The following SYNJ2 variants were observed in gnomAD, a reference collection of about 807,000 sequenced individuals.
SYNJ2 encodes the protein polyphosphatidylinositol phosphatase SYNJ2.
A neutral mutation model predicts 141.3 loss-of-function variants in SYNJ2; 116 were observed. That is an observed-to-expected ratio of 0.82 (90% CI 0.71 to 0.96). The LOEUF is 0.96. SYNJ2 is among the 40% of genes least tolerant of loss of function. The pLI is 0.00. For synonymous variants in SYNJ2, 745 were observed against 777.7 expected (o/e 0.96, Z 0.70); for missense variants, 1,873 against 1,934.8 (o/e 0.97, Z 0.60).
chr6:158,026,851 C>T (rs949963446), intron 2 of SYNJ2: 8 of 985,278 alleles, frequency 8.1e-6, no homozygotes, highest in African/African-American at 1.7e-5. Flanking sequence ...GTGCCGGGAG[C>T]GCTCTGTGGC....
At chr6:158,011,359 C>T (rs933628946) in intron 1 of SYNJ2, among the ~76,000 whole-genome samples, 1 of 152,190 alleles carries the variant, frequency 6.6e-6, no homozygotes, top group African/African-American at 2.4e-5. Flanking sequence ...GTTCTGCTGC[C>T]TGGGGCCTCC....
At chr6:158,088,639 T>A in intron 23 of SYNJ2, 21 bp from the exon 24 acceptor site, 1 of 1,592,724 alleles carries the variant, frequency 6.3e-7, no homozygotes, top group Non-Finnish European at 8.6e-7. Context: ...ATTGAGACTC[T>A]GCCCTCGTTG....
chr6:158,089,843 AG>A lies in SYNJ2; in HGVS notation c.3463del (p.Ala1155LeufsTer5). Reference sequence around the variant, plus strand: ...CTTCCTCATTCTGTCCTCAAGCCCAAGGCTCGGACTGGAATAAGTAAACCTT... The same window carrying A: ...CTTCCTCATTCTGTCCTCAAGCCCAAGCTCGGACTGGAATAAGTAAACCTT... The part of the protein sequence containing the change: ...LLPGAPQQPP[K>X]ARTGISKPYN... On this transcript the variant is annotated frameshift_variant, in exon 25 of 27. Coordinates refer to ENST00000355585, the MANE Select transcript of SYNJ2 (RefSeq NM_003898.4). LOFTEE classifies it high-confidence loss of function. 2.5e-6 allele frequency: 4 copies of A among 1,613,410 alleles called. No individual in the cohort carries two copies. The highest frequency in any genetic ancestry group is 3.4e-6 in the Non-Finnish European group (4 of 1,179,586).
At chr6:158,082,217 G>A (rs1489126195) in intron 20 of SYNJ2, among the ~76,000 whole-genome samples, 2 of 152,092 alleles carry the variant, frequency 1.3e-5, no homozygotes, top group South Asian at 2.1e-4. Context: ...CGCTGGGTGT[G>A]GTGGCTTACG....
At position 158,072,431 on chromosome 6, in the gene SYNJ2, C is replaced by T. The variant is rs968356121; in HGVS notation, c.2133+637C>T. 3.3e-5 allele frequency among the ~76,000 whole-genome samples: 5 copies of T among 152,318 alleles called. No homozygotes were observed. The East Asian group carries it at 5.8e-4, about 18-fold the overall frequency. On this transcript the variant is annotated intron_variant, in intron 15 of 26. Coordinates refer to ENST00000355585, the MANE Select transcript of SYNJ2 (RefSeq NM_003898.4). ...CTCCTTCCTGTGCAAAGATGCTACC[C>T]GGGCACAGCTTCAGCGTGTGGTGCA...
intron 2 of SYNJ2, among the ~76,000 whole-genome samples, chr6:158,026,418 G>A (rs909582260): frequency 1.3e-5 from 2 of 152,162 alleles, no homozygotes; most frequent in East Asian, 1.9e-4. Context: ...CGCCCCTTGC[G>A]GTGGGCGGGA....
chr6:158,067,696 A>G, intron 12 of SYNJ2: 1 of 985,338 alleles, frequency 1.0e-6, no homozygotes, highest in Non-Finnish European at 1.2e-6. Context: ...CTGCCTGGGT[A>G]GTACCCAGAG....
intron 11 of SYNJ2, 152 bp downstream of exon 11, chr6:158,065,143 C>G: frequency 9.5e-7 from 1 of 1,048,686 alleles, no homozygotes; most frequent in Admixed American, 3.1e-5. Flanking sequence ...ACTGCCTCTC[C>G]CGGGAGCCTG....
At chr6:157,985,290 T>G (rs1459335855) in intron 1 of SYNJ2, among the ~76,000 whole-genome samples, 2 of 152,242 alleles carry the variant, frequency 1.3e-5, no homozygotes. Context: ...CTCTTCACAC[T>G]AGGGCCGTCT....
intron 1 of SYNJ2, chr6:158,016,949 AC>A: frequency 8.5e-7 from 1 of 1,173,020 alleles, no homozygotes; most frequent in South Asian, 3.0e-5. Flanking sequence ...GAACCCCAGG[AC>A]CCCAGCTCCT....
intron 5 of SYNJ2, among the ~76,000 whole-genome samples, chr6:158,049,258 G>A (rs1023840250): frequency 6.6e-6 from 1 of 152,132 alleles, no homozygotes; most frequent in African/African-American, 2.4e-5. Flanking sequence ...GGGTGGAGGA[G>A]AAGGGAAGCT....
rs939829126 is a variant in SYNJ2 at position 158,043,924 on chromosome 6, A to G, written c.795+525A>G. 1.3e-5 allele frequency among the ~76,000 whole-genome samples: 2 copies of G among 152,136 alleles called. No individual in the cohort carries two copies. The highest frequency in any genetic ancestry group is 4.8e-5 in the African/African-American group (2 of 41,428). ...CAGGGCTCTGGTCAGTGCCAGAGAG[A>G]TTTGGCATTCTTTCTCCTGGGAAGA... On this transcript the variant is annotated intron_variant, in intron 5 of 26. Coordinates refer to ENST00000355585, the MANE Select transcript of SYNJ2 (RefSeq NM_003898.4). This position sits in a 1 kb window ranked among gnomAD's most constrained non-coding sequence, Gnocchi z 4.0.
chr6:158,056,334 G>GC (rs35667004), intron 6 of SYNJ2, among the ~76,000 whole-genome samples: 1 of 152,132 alleles, frequency 6.6e-6, no homozygotes, highest in East Asian at 1.9e-4. Context: ...AGGCTGCCTT[G>GC]CCCCTTGGAA....
intron 2 of SYNJ2, among the ~76,000 whole-genome samples, chr6:158,020,011 T>G (rs1778672625): frequency 6.6e-6 from 1 of 151,864 alleles, no homozygotes; most frequent in South Asian, 2.1e-4. Flanking sequence ...CAGCACGGAG[T>G]GTAGCTACAA....
chr6:158,017,355 G>T (rs1387269562), intron 2 of SYNJ2, 65 bp downstream of exon 2: 3 of 1,538,298 alleles, frequency 2.0e-6, no homozygotes, highest in African/African-American at 2.8e-5. Flanking sequence ...CTCTGTGTCG[G>T]AAGGGGCCTC....
rs550943976 is a variant in SYNJ2 at position 158,066,765 on chromosome 6, T to C, written c.1717+130T>C. The C allele has an allele frequency of 6.1e-5, 65 of 1,070,300 alleles. No homozygotes were observed. In the South Asian group the frequency reaches 8.7e-4, roughly 14 times the overall value. The allele number at this position is 1,070,300 out of a possible 1,614,324, so 66.3% of individuals were successfully genotyped here. On this transcript the variant is annotated intron_variant, in intron 12 of 26. Transcript: ENST00000355585. ...GTCTTCCCTCCTCACAATGTCTAAA[T>C]AGCACCATGGCCTGACTCTCAAGAA...
At position 158,069,590 on chromosome 6, in the gene SYNJ2, T is replaced by G; in HGVS notation, c.1857T>G (p.His619Gln). 2 of 1,614,122 alleles carry G rather than the reference T, an allele frequency of 1.2e-6. No homozygotes were observed. The highest frequency in any genetic ancestry group is 1.7e-6 in the Non-Finnish European group (2 of 1,179,978). The stretch of plus-strand genomic sequence containing the variant: ...TTCAGAAAGCCATCTCACGCTCTCA[T>G]AGATACATTCTGTTGACTTCGGCAC... ...EQLQKAISRS[H>Q]RYILLTSAQL... Residue 619 changes from histidine to glutamine, a missense_variant, in exon 14 of 27, where the codon CAT (histidine) becomes CAG (glutamine). Physicochemically the swap from His to Gln is conservative, Grantham distance 24. Coordinates refer to ENST00000355585, the MANE Select transcript of SYNJ2 (RefSeq NM_003898.4).
chr6:158,000,015 C>T (rs1462900260), intron 1 of SYNJ2, among the ~76,000 whole-genome samples: 1 of 129,564 alleles, frequency 7.7e-6, no homozygotes, highest in Non-Finnish European at 1.6e-5. Flanking sequence ...GGAATCCTGG[C>T]GATGATGTGA....
At position 158,061,684 on chromosome 6, in the gene SYNJ2, C is replaced by T. The variant is rs191657276; in HGVS notation, c.955-308C>T. ...ACAGAGCAGTCCTTCCTCACCTGTG[C>T]CCTCCAGAGAGCCCTGCAGGAGTAT... On this transcript the variant is annotated intron_variant, in intron 7 of 26. Coordinates refer to ENST00000355585, the MANE Select transcript of SYNJ2 (RefSeq NM_003898.4). Among the ~76,000 whole-genome samples the T allele has an allele frequency of 5.4e-3, 347 of 64,494 alleles. 1 individual carries two copies. The highest frequency in any genetic ancestry group is 0.011 in the Admixed American group (96 of 8,722). 42.3% of individuals were successfully genotyped at this position (64,494 alleles called of 152,430 possible).
Sources: gnomAD v4.1 joint callset for allele counts (sites outside exome capture counted in the v4.1 genomes callset) on GRCh38, gnomAD v4.1.1 for gene constraint, Gnocchi (gnomAD v3.1) non-coding constraint, MANE v1.5 for transcripts, NCBI Gene and HGNC (gene_info 2026-07-23, HGNC 2026-07-21) for gene names.